Variants in SORL1 observed in about 807,000 individuals in gnomAD.
SORL1 encodes sortilin related receptor 1.
A neutral mutation model predicts 273.7 loss-of-function variants in SORL1; 127 were observed. The observed-to-expected ratio is 0.46, with a 90% CI of 0.40 to 0.54. SORL1 has a LOEUF of 0.54. Ranked by LOEUF, SORL1 falls within the 20% of genes least tolerant of loss-of-function variation. The pLI, the probability that SORL1 is intolerant of heterozygous loss-of-function variation, is 0.00. For synonymous variants in SORL1, 1,031 were observed against 1,067.4 expected, an observed-to-expected ratio of 0.97 and a Z score of 0.66; for missense variants, 2,494 against 2,846.1, an observed-to-expected ratio of 0.88 and a Z score of 2.81.
intron 12 of SORL1, among the ~76,000 whole-genome samples, chr11:121,542,788 T>C (rs1452771237): frequency 2.0e-5 from 3 of 151,042 alleles, no homozygotes; most frequent in African/African-American, 7.3e-5. Context: ...GATTTAGTTA[T>C]TGCAGTGGGG....
chr11:121,522,620 G>A lies in SORL1; in HGVS notation c.1439G>A (p.Arg480His), dbSNP rs757953032. The A allele has an allele frequency of 1.1e-5, 17 of 1,614,066 alleles. No homozygotes were observed. The highest frequency in any genetic ancestry group is 2.2e-5 in the South Asian group (2 of 91,090). ...GGCTGTTCCCTTCATCTGGCTCAGCGCCTCAGTCAGCTCCTCAACCTCCAG... is the reference window on the plus strand; with the variant it reads ...GGCTGTTCCCTTCATCTGGCTCAGCACCTCAGTCAGCTCCTCAACCTCCAG... Reference protein sequence around the residue: ...SQGCSLHLAQRLSQLLNLQLR... With the variant: ...SQGCSLHLAQHLSQLLNLQLR... The change falls in exon 10 of 48, where the codon CGC (arginine) becomes CAC (histidine). Residue 480 changes from arginine to histidine, a missense_variant. Arg to His is a conservative substitution (Grantham distance 29, BLOSUM62 0). Coordinates refer to ENST00000260197, the MANE Select transcript of SORL1 (RefSeq NM_003105.6).
At chr11:121,544,824 G>A (rs1308828477) in intron 13 of SORL1, among the ~76,000 whole-genome samples, 1 of 152,096 alleles carries the variant, frequency 6.6e-6, no homozygotes, top group Admixed American at 6.6e-5. Flanking sequence ...ATTGCCTTCG[G>A]GCCACACTAC....
chr11:121,572,084 A>G (rs760765156), intron 23 of SORL1, among the ~76,000 whole-genome samples: 5 of 152,234 alleles, frequency 3.3e-5, no homozygotes, highest in Non-Finnish European at 7.3e-5. Context: ...CCCAGACATA[A>G]TTAGGCACAG....
chr11:121,627,656 G>C lies in SORL1; in HGVS notation c.6466G>C (p.Ala2156Pro). 6.2e-7 allele frequency: 1 copy of C among 1,614,120 alleles called. No individual in the cohort carries two copies. Among genetic ancestry groups the C allele is most frequent in the Non-Finnish European group, 8.5e-7 (1 of 1,179,986 alleles). Residue 2156 changes from alanine to proline, a missense_variant, in exon 47 of 48, where the codon GCC becomes CCC. Coordinates refer to ENST00000260197, the MANE Select transcript of SORL1 (RefSeq NM_003105.6). This position sits in a 1 kb window ranked among gnomAD's most constrained non-coding sequence, Gnocchi z 4.9. The part of the protein sequence containing the change: ...LILLSLGVGF[A>P]ILYTKHRRLQ... ...ACTGCTGAGCCTGGGGGTGGGGTTTGCCATCCTGTACACGAAGCACCGGAG... is the reference window on the plus strand; with the variant it reads ...ACTGCTGAGCCTGGGGGTGGGGTTTCCCATCCTGTACACGAAGCACCGGAG...
chr11:121,452,351 G>T lies in SORL1; in HGVS notation c.20G>T (p.Arg7Met). The T allele has an allele frequency of 6.4e-7, 1 of 1,554,424 alleles. No individual in the cohort carries two copies. The highest frequency in any genetic ancestry group is 1.2e-5 in the South Asian group (1 of 84,070). MATRSS[R>M]RESRLPFLFT... is the part of the protein sequence containing the mutation. ...CCGAACATGGCGACACGGAGCAGCA[G>T]GAGGGAGTCGCGACTCCCGTTCCTA... The change falls in exon 1 of 48, where the codon AGG becomes ATG. Residue 7 changes from arginine to methionine, a missense_variant. Around this residue, in one of 3 missense-constraint regions of SORL1, gnomAD observed 175 missense variants for 147.1 expected, o/e 1.19. Coordinates refer to ENST00000260197, the MANE Select transcript of SORL1 (RefSeq NM_003105.6). This position sits in a 1 kb window ranked among gnomAD's most constrained non-coding sequence, Gnocchi z 5.3.
At chr11:121,519,777 A>G (rs932108154) in intron 8 of SORL1, among the ~76,000 whole-genome samples, 2 of 152,196 alleles carry the variant, frequency 1.3e-5, no homozygotes, top group Non-Finnish European at 2.9e-5. Flanking sequence ...TGACTTAATG[A>G]TTTCTGTTTT....
Position 121,607,169 on chromosome 11 carries a change from T to G in SORL1, c.5062-17T>G. On this transcript the variant is annotated splice_polypyrimidine_tract_variant and intron_variant, in intron 36 of 47. Coordinates refer to ENST00000260197, the MANE Select transcript of SORL1 (RefSeq NM_003105.6). ...CTTTGGTTCCCTTTACTCACATTTTTTTTCTTCTCCCTTTAGGTAGAATAC... is the reference window on the plus strand; with the variant it reads ...CTTTGGTTCCCTTTACTCACATTTTGTTTCTTCTCCCTTTAGGTAGAATAC... 6.6e-7 allele frequency: 1 copy of G among 1,504,394 alleles called. No individual in the cohort carries two copies. Among genetic ancestry groups the G allele is most frequent in the Non-Finnish European group, 9.3e-7 (1 of 1,080,194 alleles). 93.2% of individuals were successfully genotyped at this position (1,504,394 alleles called of 1,614,324 possible).
At chr11:121,616,857 C>T (rs1052277591) in intron 41 of SORL1, among the ~76,000 whole-genome samples, 2 of 152,198 alleles carry the variant, frequency 1.3e-5, no homozygotes, top group Non-Finnish European at 2.9e-5. Context: ...CCAAGGTGGC[C>T]GGGATGCAGC....
intron 14 of SORL1, chr11:121,547,161 C>T (rs1467036778): frequency 6.6e-6 from 1 of 151,988 alleles, no homozygotes. Context: ...AATCTGAGAG[C>T]TTTGTTGGCT....
intron 26 of SORL1, among the ~76,000 whole-genome samples, chr11:121,585,442 C>T (rs1159698038): frequency 2.0e-5 from 3 of 151,018 alleles, no homozygotes; most frequent in African/African-American, 4.9e-5. Context: ...GTGATCACGC[C>T]GCTGCACTCC....
chr11:121,617,969 C>T (rs1863664309), intron 41 of SORL1, among the ~76,000 whole-genome samples: 1 of 152,160 alleles, frequency 6.6e-6, no homozygotes, highest in Admixed American at 6.5e-5. Context: ...GGCACCTGAG[C>T]CCTGTCATCT....
Position 121,625,171 on chromosome 11 carries a change from C to T in SORL1, c.6258C>T (p.Asn2086=), listed in dbSNP as rs1256972617. The change falls in exon 46 of 48, where the codon AAC becomes AAT. Residue 2086 remains asparagine (N), a synonymous_variant. Transcript: ENST00000260197. The part of the protein sequence containing the change: ...NTTDNFFKIS[N]LKMGHNYTFT... ...CTGACAATTTCTTTAAAATTTCCAA[C>T]CTGAAGATGGGTCATAATTACACGT... 1 of 1,613,712 alleles carries T rather than the reference C, an allele frequency of 6.2e-7. No homozygotes were observed. The highest frequency in any genetic ancestry group is 1.7e-5 in the Admixed American group (1 of 60,022).
chr11:121,582,973 C>T (rs947318211), intron 25 of SORL1, among the ~76,000 whole-genome samples: 18 of 152,284 alleles, frequency 1.2e-4, no homozygotes, highest in Admixed American at 2.6e-4. Flanking sequence ...TCCAGGACTC[C>T]GTCTCCTGAG....
chr11:121,474,550 T>TA (rs1426357940), intron 2 of SORL1, among the ~76,000 whole-genome samples: 1 of 152,066 alleles, frequency 6.6e-6, no homozygotes, highest in Non-Finnish European at 1.5e-5. Flanking sequence ...TCTTTGTAGG[T>TA]AAAAAAGGAT....
chr11:121,579,362 G>A (rs1862981556), intron 25 of SORL1, among the ~76,000 whole-genome samples: 1 of 152,210 alleles, frequency 6.6e-6, no homozygotes, highest in Non-Finnish European at 1.5e-5. Flanking sequence ...ACTAAATTAA[G>A]CTGCGTACAG....
Position 121,591,096 on chromosome 11 carries a change from G to A in SORL1, c.4309G>A (p.Val1437Met), listed in dbSNP as rs1446886998. 8 of 1,614,246 alleles carry A rather than the reference G, an allele frequency of 5.0e-6. No individual in the cohort carries two copies. Among genetic ancestry groups the A allele is most frequent in the Non-Finnish European group, 6.8e-6 (8 of 1,180,050 alleles). ...SSGTCVMDTW[V>M]CDGYRDCADG... The stretch of plus-strand genomic sequence containing the variant: ...TGGGACCTGCGTGATGGACACCTGG[G>A]TGTGCGACGGGTACCGAGATTGTGC... Residue 1437 changes from valine (V) to methionine (M), a missense_variant, in exon 31 of 48, where the codon GTG (valine) becomes ATG (methionine). This residue lies in a region of SORL1 where 1,609 missense variants were observed against 1,816.4 expected (regional missense o/e 0.89). Coordinates refer to ENST00000260197, the MANE Select transcript of SORL1 (RefSeq NM_003105.6).
In SORL1 at chr11:121,554,624, T is replaced by C. The variant is rs1031437303; in HGVS notation, c.2439+515T>C. Among the ~76,000 whole-genome samples, 4 of 152,252 alleles carry C rather than the reference T, an allele frequency of 2.6e-5. No individual in the cohort carries two copies. Among genetic ancestry groups the C allele is most frequent in the South Asian group, 4.1e-4 (2 of 4,838 alleles). On this transcript the variant is annotated intron_variant, in intron 17 of 47. Coordinates refer to ENST00000260197, the MANE Select transcript of SORL1 (RefSeq NM_003105.6). The surrounding 1 kb of genome is among the most constrained non-coding windows in gnomAD (Gnocchi z 4.6). The stretch of plus-strand genomic sequence containing the variant: ...GGAGAGCTCTTTGATCTTTATTCAT[T>C]GTCTACTTAATCCTTTTAGAAAAGC...
Position 121,452,348 on chromosome 11 carries a change from G to C in SORL1, c.17G>C (p.Ser6Thr), listed in dbSNP as rs774906532. ...CGCCCGAACATGGCGACACGGAGCA[G>C]CAGGAGGGAGTCGCGACTCCCGTTC... MATRS[S>T]RRESRLPFLF... The change falls in exon 1 of 48, where the codon AGC (serine) becomes ACC (threonine). Residue 6 changes from serine to threonine, a missense_variant. Physicochemically the swap from Ser to Thr is moderately conservative, Grantham distance 58. Around this residue, in one of 3 missense-constraint regions of SORL1, gnomAD observed 175 missense variants for 147.1 expected, o/e 1.19. Transcript: ENST00000260197. This position sits in a 1 kb window ranked among gnomAD's most constrained non-coding sequence, Gnocchi z 5.3. The C allele has an allele frequency of 6.4e-6, 10 of 1,553,798 alleles. No individual in the cohort carries two copies. The highest frequency in any genetic ancestry group is 2.4e-5 in the South Asian group (2 of 83,944).
rs1426960825 is a variant in SORL1, at chr11:121,520,674, C to T, written c.1229C>T (p.Pro410Leu). 3 of 1,571,302 alleles carry T rather than the reference C, an allele frequency of 1.9e-6. No homozygotes were observed. The highest frequency in any genetic ancestry group is 1.4e-5 in the African/African-American group (1 of 72,796). Residue 410 changes from proline to leucine, a missense_variant, in exon 9 of 48, where the codon CCA becomes CTA. Transcript: ENST00000260197. ...DTLVRYFANE[P>L]FADFHRVEGL... The stretch of plus-strand genomic sequence containing the variant: ...TATTGTAGGTATTTTGCAAATGAAC[C>T]ATTTGCTGACTTCCACCGAGTGGAA...
Sources: allele counts gnomAD v4.1 joint callset (sites outside exome capture counted in the v4.1 genomes callset), GRCh38; gene constraint gnomAD v4.1.1; regional missense constraint gnomAD v4.1.1; non-coding constraint Gnocchi (gnomAD v3.1); transcripts MANE v1.5; gene names NCBI Gene and HGNC (gene_info 2026-07-23, HGNC 2026-07-21).